Variants in DNAH8 observed in about 807,000 individuals in gnomAD.
DNAH8 encodes dynein axonemal heavy chain 8.
DNAH8 carries 382 observed loss-of-function variants against 562.1 expected under a neutral mutation model. The ratio of observed to expected loss-of-function variants is 0.68; its 90% confidence interval spans 0.63 to 0.74. The LOEUF is 0.74. DNAH8 is among the 30% of genes least tolerant of loss of function. The probability of loss-of-function intolerance (pLI) is 0.00; values close to 1 mark genes in which losing one functional copy is unlikely to be tolerated. For missense variants in DNAH8, 5,203 were observed against 5,620.4 expected (o/e 0.93, Z 2.37); for synonymous variants, 1,881 against 1,919.4 (o/e 0.98, Z 0.52).
chr6:38,873,457 G>A, intron 52 of DNAH8, 81 bp downstream of exon 52: 3 of 1,272,286 alleles, frequency 2.4e-6, no homozygotes, highest in Non-Finnish European at 3.2e-6. Flanking sequence ...ATCTGAAATA[G>A]AAAGTTCAGA....
At chr6:38,776,089 A>G in intron 13 of DNAH8, 138 bp downstream of exon 13, 2 of 633,146 alleles carry the variant, frequency 3.2e-6, no homozygotes, top group South Asian at 2.1e-5. Context: ...TTGACCAAAC[A>G]TATTTGCAGT....
intron 56 of DNAH8, among the ~76,000 whole-genome samples, chr6:38,885,165 C>G (rs968080395): frequency 6.6e-6 from 1 of 152,182 alleles, no homozygotes; most frequent in Non-Finnish European, 1.5e-5. Flanking sequence ...CTTCCATAAG[C>G]TGAAGCGCTC....
Position 38,737,846 on chromosome 6 carries a change from G to A in DNAH8, c.990G>A (p.Lys330=). Residue 330 remains lysine (K), a synonymous_variant, in exon 7 of 93, where the codon AAG becomes AAA. Coordinates refer to ENST00000327475, the MANE Select transcript of DNAH8 (RefSeq NM_001206927.2). Reference sequence around the variant, plus strand: ...GTATTGAGGGAACAGTGAAGTTAAAGACAATAGACAATGTTAATTTTTCCA... The same window carrying A: ...GTATTGAGGGAACAGTGAAGTTAAAAACAATAGACAATGTTAATTTTTCCA... ...RISIEGTVKL[K]TIDNVNFSKL... is the part of the protein sequence containing the mutation. The A allele has an allele frequency of 6.4e-7, 1 of 1,574,476 alleles. No homozygotes were observed. The highest frequency in any genetic ancestry group is 2.4e-5 in the East Asian group (1 of 41,076).
At chr6:39,017,122 G>T (rs1292793999) in intron 91 of DNAH8, among the ~76,000 whole-genome samples, 1 of 152,140 alleles carries the variant, frequency 6.6e-6, no homozygotes, top group African/African-American at 2.4e-5. Flanking sequence ...TCTGTGTGTG[G>T]ATTTGTCTCC....
Position 38,971,670 on chromosome 6 carries a change from G to C in DNAH8, c.12525+5G>C, listed in dbSNP as rs756174120. Reference sequence around the variant, plus strand: ...ATTCAGATGTCAATGCAGCAGGTATGTGACAAGAGACTGCTCCTGCTGCAA... The same window carrying C: ...ATTCAGATGTCAATGCAGCAGGTATCTGACAAGAGACTGCTCCTGCTGCAA... On this transcript the variant is annotated splice_donor_5th_base_variant and intron_variant, in intron 83 of 92. Coordinates refer to ENST00000327475, the MANE Select transcript of DNAH8 (RefSeq NM_001206927.2). 1.3e-6 allele frequency: 2 copies of C among 1,593,808 alleles called. No homozygotes were observed. Among genetic ancestry groups the C allele is most frequent in the Non-Finnish European group, 1.7e-6 (2 of 1,170,452 alleles).
chr6:38,881,933 A>G (rs1366451935), intron 53 of DNAH8, among the ~76,000 whole-genome samples: 1 of 152,086 alleles, frequency 6.6e-6, no homozygotes, highest in Non-Finnish European at 1.5e-5. Context: ...TTTTCAGTTG[A>G]TGTGGCTTTT....
At chr6:38,843,229 A>G (rs1013659542) in intron 35 of DNAH8, among the ~76,000 whole-genome samples, 1 of 151,278 alleles carries the variant, frequency 6.6e-6, no homozygotes, top group African/African-American at 2.5e-5. Flanking sequence ...CCTCTGAACT[A>G]TTTTCCAAAT....
intron 88 of DNAH8, 47 bp from the exon 89 acceptor site, chr6:39,008,766 CT>C (rs1198482653): frequency 8.7e-7 from 1 of 1,152,580 alleles, no homozygotes; most frequent in Non-Finnish European, 1.2e-6. Context: ...ACACTTATCT[CT>C]TACATGTTTC....
chr6:38,772,029 CTTT>C (rs34980133), intron 12 of DNAH8, among the ~76,000 whole-genome samples: 6 of 131,896 alleles, frequency 4.5e-5, no homozygotes, highest in Admixed American at 8.1e-5. Flanking sequence ...TTTATGATTT[CTTT>C]TTTTTTTTTT....
chr6:38,880,458 A>T (rs1261000172), intron 53 of DNAH8, among the ~76,000 whole-genome samples: 8 of 152,102 alleles, frequency 5.3e-5, no homozygotes, highest in East Asian at 1.9e-4. Flanking sequence ...TGGGGGGAAA[A>T]ATCTCTTTTG....
intron 53 of DNAH8, among the ~76,000 whole-genome samples, chr6:38,876,473 A>T (rs1778007002): frequency 6.6e-6 from 1 of 152,262 alleles, no homozygotes. Context: ...GTTTGTTTTA[A>T]TGAATAAACT....
At chr6:38,890,383 T>C (rs1779258161) in intron 57 of DNAH8, among the ~76,000 whole-genome samples, 1 of 152,218 alleles carries the variant, frequency 6.6e-6, no homozygotes, top group Non-Finnish European at 1.5e-5. Context: ...CATGTTAAAA[T>C]GGGACTAGTA....
chr6:38,825,059 C>T (rs919410512), intron 28 of DNAH8, among the ~76,000 whole-genome samples: 7 of 152,112 alleles, frequency 4.6e-5, no homozygotes, highest in Admixed American at 4.6e-4. Flanking sequence ...ACAGAGTGCG[C>T]TGGGGAGCTT....
chr6:38,725,813 A>G (rs1278614822), intron 3 of DNAH8, among the ~76,000 whole-genome samples: 1 of 152,112 alleles, frequency 6.6e-6, no homozygotes, highest in Non-Finnish European at 1.5e-5. Flanking sequence ...TCCCATTTTC[A>G]TTTTGCACTA....
In DNAH8 at chr6:38,908,003, T is replaced by C. The variant is rs1780613462; in HGVS notation, c.9396T>C (p.Gly3132=). The part of the protein sequence containing the change: ...ARDEMDEITQ[G]LISVMKRELP... ...ATGAGATGGATGAAATCACCCAAGG[T>C]CTGATTTCAGTGATGAAGAGGGAGC... The change falls in exon 64 of 93, where the codon GGT becomes GGC. Residue 3132 remains glycine, a synonymous_variant. Transcript: ENST00000327475. The C allele has an allele frequency of 1.9e-6, 3 of 1,611,998 alleles. No homozygotes were observed. In the African/African-American group the frequency reaches 4.0e-5, roughly 22 times the overall value.
At position 38,894,796 on chromosome 6, in the gene DNAH8, G is replaced by A. The variant is rs367682630; in HGVS notation, c.8679G>A (p.Glu2893=). 21 of 1,613,952 alleles carry A rather than the reference G, an allele frequency of 1.3e-5. No individual in the cohort carries two copies. Among genetic ancestry groups the A allele is most frequent in the Non-Finnish European group, 1.8e-5 (21 of 1,180,008 alleles). Residue 2893 remains glutamate, a synonymous_variant, in exon 59 of 93, where the codon GAG becomes GAA. Transcript: ENST00000327475. ...IWQGMLTIKA[E]ECASIPTLLS... ...AAGGAATGTTGACCATAAAAGCTGA[G>A]GAGTGCGCTTCAATCCCTACTCTCC...
intron 91 of DNAH8, among the ~76,000 whole-genome samples, chr6:39,025,945 A>C (rs1767245277): frequency 6.6e-6 from 1 of 152,258 alleles, no homozygotes; most frequent in Non-Finnish European, 1.5e-5. Context: ...AACTTCAAAG[A>C]AAAGCCACAG....
In DNAH8 at chr6:38,857,696, C is replaced by G; in HGVS notation, c.5912C>G (p.Thr1971Ser). The part of the protein sequence containing the change: ...LSKFDRVKFE[T>S]LITIHVHQRD... ...AAGTTTGATAGAGTGAAGTTCGAGACTCTAATTACCATCCATGTGCATCAG... is the reference window on the plus strand; with the variant it reads ...AAGTTTGATAGAGTGAAGTTCGAGAGTCTAATTACCATCCATGTGCATCAG... The change falls in exon 42 of 93, where the codon ACT (threonine) becomes AGT (serine). Residue 1971 changes from threonine to serine, a missense_variant. Transcript: ENST00000327475. 6.2e-7 allele frequency: 1 copy of G among 1,613,496 alleles called. No individual in the cohort carries two copies.
At position 38,786,760 on chromosome 6, in the gene DNAH8, T is replaced by C. The variant is rs1447880867; in HGVS notation, c.2396-5T>C. The C allele has an allele frequency of 1.9e-6, 3 of 1,609,936 alleles. No individual in the cohort carries two copies. Among genetic ancestry groups the C allele is most frequent in the Non-Finnish European group, 2.5e-6 (3 of 1,178,794 alleles). On this transcript the variant is annotated splice_polypyrimidine_tract_variant and splice_region_variant and intron_variant, in intron 17 of 92. Transcript: ENST00000327475. ...TGAGTAATGTCAATCATTATTTATT[T>C]GTAGCTTTACAAGCCACGCTTTTTG... is the stretch of plus-strand genomic sequence containing the variant.
Sources: allele counts gnomAD v4.1 joint callset (sites outside exome capture counted in the v4.1 genomes callset), GRCh38; gene constraint gnomAD v4.1.1; transcripts MANE v1.5; gene names NCBI Gene and HGNC (gene_info 2026-07-23, HGNC 2026-07-21).